The following ODF2L variants were observed in gnomAD, a reference collection of about 807,000 sequenced individuals.
ODF2L encodes protein BCAP.
A neutral mutation model predicts 86.3 loss-of-function variants in ODF2L; 76 were observed. The ratio of observed to expected loss-of-function variants is 0.88; its 90% CI spans 0.73 to 1.07. The LOEUF (loss-of-function observed/expected upper bound fraction) is 1.07. Ranked by LOEUF, ODF2L falls within the 50% of genes least tolerant of loss-of-function variation. The probability of loss-of-function intolerance (pLI) is 0.00; values close to 1 mark genes in which losing one functional copy is unlikely to be tolerated. For synonymous variants in ODF2L, 241 were observed against 231.3 expected (o/e 1.04, Z -0.38); for missense variants, 748 against 717.4 (o/e 1.04, Z -0.49).
At chr1:86,368,598 G>T (rs759756890) in intron 11 of ODF2L, 16 of 1,331,372 alleles carry the variant, frequency 1.2e-5, no homozygotes, top group Non-Finnish European at 1.6e-5. Flanking sequence ...GTGCTGATGA[G>T]GTATAGAGAA....
intron 3 of ODF2L, 29 bp from the exon 4 acceptor site, chr1:86,384,830 T>C: frequency 3.4e-6 from 5 of 1,464,004 alleles, no homozygotes; most frequent in South Asian, 1.5e-5. Flanking sequence ...CACATACACA[T>C]TTTAAGACAC....
chr1:86,354,961 TATAA>T (rs1246037299), intron 14 of ODF2L, 102 bp from the exon 14 acceptor site: 1 of 659,380 alleles, frequency 1.5e-6, no homozygotes, highest in Non-Finnish European at 2.6e-6. Flanking sequence ...AACGAGAAGG[TATAA>T]ATGTTACTAC....
chr1:86,382,449 C>G (rs918710613), intron 6 of ODF2L, 91 bp from the exon 7 acceptor site: 3 of 1,546,210 alleles, frequency 1.9e-6, no homozygotes, highest in African/African-American at 1.4e-5. Context: ...GATTTAGGCA[C>G]AATCTAAACA....
intron 14 of ODF2L, chr1:86,355,456 G>A (rs1235674716): frequency 1.3e-6 from 1 of 797,314 alleles, no homozygotes; most frequent in African/African-American, 1.7e-5. Context: ...TAGTAATTTA[G>A]GCTAATCTAT....
chr1:86,363,021 G>GA (rs148218661), intron 11 of ODF2L, among the ~76,000 whole-genome samples: 6,234 of 152,252 alleles, frequency 0.041, 425 homozygotes, highest in African/African-American at 0.14. Flanking sequence ...GGCCAGGGCT[G>GA]AAGCAAGGAG....
At chr1:86,371,241 G>A in intron 9 of ODF2L, 88 bp from the exon 10 acceptor site, 1 of 630,544 alleles carries the variant, frequency 1.6e-6, no homozygotes, top group Non-Finnish European at 2.5e-6. Flanking sequence ...AAATCACTTT[G>A]GCCGGGTGCA....
At chr1:86,395,452 A>G (rs1196810422) in intron 1 of ODF2L, among the ~76,000 whole-genome samples, 2 of 152,066 alleles carry the variant, frequency 1.3e-5, no homozygotes, top group African/African-American at 4.8e-5. Flanking sequence ...TGACCTAGAC[A>G]AGGCCACACA....
exon 18 of ODF2L, chr1:86,350,475 C>T (rs887549044): frequency 6.6e-6 from 1 of 152,148 alleles, no homozygotes; most frequent in African/African-American, 2.4e-5. Context: ...GGTGTATGTG[C>T]CACATTTTCT....
chr1:86,359,350 A>G (rs541252891), intron 12 of ODF2L, among the ~76,000 whole-genome samples: 195 of 152,230 alleles, frequency 1.3e-3, no homozygotes, highest in Non-Finnish European at 1.7e-3. Flanking sequence ...ACCCTGATGA[A>G]TAACAAGTCC....
At chr1:86,357,944 G>T in intron 13 of ODF2L, 1 of 985,348 alleles carries the variant, frequency 1.0e-6, no homozygotes, top group Non-Finnish European at 1.2e-6. Context: ...CAAAAGACAT[G>T]AAATGGTTTA....
chr1:86,360,560 A>C, intron 11 of ODF2L, 24 bp from the exon 11 acceptor site: 1 of 1,109,622 alleles, frequency 9.0e-7, no homozygotes, highest in South Asian at 1.3e-5. Flanking sequence ...TATAGATTTT[A>C]TAAGTCATTA....
At chr1:86,352,240 G>A (rs1291301879) in intron 17 of ODF2L, 2 of 1,471,776 alleles carry the variant, frequency 1.4e-6, no homozygotes, top group Non-Finnish European at 1.8e-6. Context: ...TATTCTCTAT[G>A]TCATTATCTA....
intron 13 of ODF2L, among the ~76,000 whole-genome samples, chr1:86,357,071 A>G (rs188876022): frequency 5.9e-5 from 9 of 152,318 alleles, no homozygotes; most frequent in East Asian, 1.9e-4. Context: ...GGTTTACTGT[A>G]TATTATTTAA....
intron 4 of ODF2L, 137 bp from the exon 5 acceptor site, chr1:86,383,333 G>C (rs577144252): frequency 1.6e-5 from 8 of 489,760 alleles, no homozygotes; most frequent in Non-Finnish European, 1.8e-5. Flanking sequence ...CAACTGAAAA[G>C]ATTTTTGCCC....
chr1:86,395,579 C>T (rs1661679345), intron 1 of ODF2L, among the ~76,000 whole-genome samples: 1 of 152,124 alleles, frequency 6.6e-6, no homozygotes, highest in African/African-American at 2.4e-5. Context: ...TAGAGGAATC[C>T]TGGAGAAGGA....
exon 15 of ODF2L, chr1:86,354,801 A>G (rs775886868): frequency 5.6e-6 from 9 of 1,605,556 alleles, no homozygotes; most frequent in Middle Eastern, 1.7e-4. Context: ...CTTCAGCTGA[A>G]TAAGACAGTT....
At chr1:86,390,542 A>G (rs768596224) in intron 1 of ODF2L, among the ~76,000 whole-genome samples, 2 of 152,270 alleles carry the variant, frequency 1.3e-5, no homozygotes, top group Non-Finnish European at 2.9e-5. Context: ...ACAAGTCAAT[A>G]AATGTGATAC....
chr1:86,358,939 T>A, intron 12 of ODF2L, 48 bp from the exon 12 acceptor site: 1 of 902,568 alleles, frequency 1.1e-6, no homozygotes, highest in Non-Finnish European at 1.6e-6. Flanking sequence ...AATCATAACA[T>A]GAGATAAAAA....
intron 9 of ODF2L, among the ~76,000 whole-genome samples, 196 bp downstream of exon 9, chr1:86,372,235 G>A (rs1212988579): frequency 6.7e-6 from 1 of 150,300 alleles, no homozygotes; most frequent in East Asian, 1.9e-4. Flanking sequence ...CACTTTTAAT[G>A]AGCAATCATT....
Sources: allele counts gnomAD v4.1 joint callset (sites outside exome capture counted in the v4.1 genomes callset), GRCh38; gene constraint gnomAD v4.1.1; transcripts MANE v1.5; gene names NCBI Gene and HGNC (gene_info 2026-07-23, HGNC 2026-07-21).